The following RUFY2 variants were observed in gnomAD, a reference collection of about 807,000 sequenced individuals.
The protein encoded by RUFY2 is RUN and FYVE domain-containing protein 2.
Under a neutral mutation model 94.4 loss-of-function variants are expected in RUFY2, and 49 were observed. That is an observed-to-expected ratio of 0.52 (90% confidence interval 0.41 to 0.66). The LOEUF (loss-of-function observed/expected upper bound fraction) is 0.66, where lower values mean the gene tolerates loss of function less well. RUFY2 is among the 30% of genes least tolerant of loss of function. RUFY2 has a pLI of 0.00. For missense variants in RUFY2, 541 were observed against 692.8 expected (o/e 0.78, Z 2.46); for synonymous variants, 255 against 235.7 (o/e 1.08, Z -0.75).
intron 15 of RUFY2, among the ~76,000 whole-genome samples, chr10:68,356,343 T>G (rs2047054860): frequency 1.3e-5 from 2 of 151,722 alleles, no homozygotes; most frequent in East Asian, 3.9e-4. Context: ...CCATCTCTAC[T>G]AAAAATACAA....
rs1228941521 is a variant in RUFY2, at chr10:68,344,340, C to T, written c.*1428G>A. The T allele has an allele frequency of 3.3e-5, 5 of 152,242 alleles. No individual in the cohort carries two copies. The highest frequency in any genetic ancestry group is 1.9e-4 in the East Asian group (1 of 5,182). The allele number at this position is 152,242 out of a possible 1,614,324, so 9.4% of individuals were successfully genotyped here. On this transcript the variant is annotated 3_prime_UTR_variant, in exon 18 of 18. Coordinates refer to ENST00000602465, the MANE Select transcript of RUFY2 (RefSeq NM_001330103.2). ...CTAGGATTAACCACTAAATATAATGCTCTTAATCCATAAATTTTCTATGTA... is the reference window on the plus strand; with the variant it reads ...CTAGGATTAACCACTAAATATAATGTTCTTAATCCATAAATTTTCTATGTA...
rs1301878528 is a variant in RUFY2 at position 68,407,033 on chromosome 10, G to A, written c.4+153C>T. ...TGCCATGACGACCCCGGGAGCCCCCGAGTCCCAGGCAGTCCCCGCCCATCC... is the reference window on the plus strand; with the variant it reads ...TGCCATGACGACCCCGGGAGCCCCCAAGTCCCAGGCAGTCCCCGCCCATCC... On this transcript the variant is annotated intron_variant, in intron 1 of 17. Coordinates refer to ENST00000602465, the MANE Select transcript of RUFY2 (RefSeq NM_001330103.2). 3.4e-6 allele frequency: 5 copies of A among 1,484,422 alleles called. No homozygotes were observed. In the Admixed American group the frequency reaches 6.8e-5, roughly 20 times the overall value. 92.0% of individuals were successfully genotyped at this position (1,484,422 alleles called of 1,614,324 possible).
At chr10:68,394,599 G>A in intron 4 of RUFY2, 148 bp from the exon 5 acceptor site, 4 of 377,254 alleles carry the variant, frequency 1.1e-5, no homozygotes, top group Non-Finnish European at 1.9e-5. Context: ...TTATACGTGT[G>A]AATAACTTTT....
At chr10:68,348,674 CAT>C (rs1338659178) in intron 16 of RUFY2, among the ~76,000 whole-genome samples, 1 of 152,186 alleles carries the variant, frequency 6.6e-6, no homozygotes, top group Non-Finnish European at 1.5e-5. Context: ...ACCTTGCTGA[CAT>C]GGAGACTAGG....
intron 3 of RUFY2, among the ~76,000 whole-genome samples, chr10:68,398,519 G>A (rs996775850): frequency 5.3e-5 from 8 of 152,100 alleles, no homozygotes; most frequent in African/African-American, 1.9e-4. Flanking sequence ...AGGCACAGTG[G>A]CATGAGCCCG....
At chr10:68,368,247 C>T (rs1179285009) in intron 13 of RUFY2, among the ~76,000 whole-genome samples, 1 of 150,484 alleles carries the variant, frequency 6.6e-6, no homozygotes, top group Non-Finnish European at 1.5e-5. Context: ...GGATTACAGG[C>T]GTGAGCCACC....
intron 12 of RUFY2, chr10:68,377,373 T>G: frequency 7.7e-6 from 8 of 1,041,192 alleles, no homozygotes; most frequent in Non-Finnish European, 8.1e-6. Context: ...GAAGCCACAC[T>G]GTTATATGTT....
chr10:68,376,895 G>T lies in RUFY2; in HGVS notation c.1283C>A (p.Ser428Tyr). The change falls in exon 13 of 18, where the codon TCT becomes TAT. Residue 428 changes from serine (S) to tyrosine (Y), a missense_variant. Coordinates refer to ENST00000602465, the MANE Select transcript of RUFY2 (RefSeq NM_001330103.2). ...GGAGATTTGTTTCTGCAGACTATCA[G>T]ATTTACTGAGACATTCTTGTAGATA... ...EKYLQECLSK[S>Y]DSLQKQISQK... 1 of 1,613,762 alleles carries T rather than the reference G, an allele frequency of 6.2e-7. No individual in the cohort carries two copies. Among genetic ancestry groups the T allele is most frequent in the Non-Finnish European group, 8.5e-7 (1 of 1,179,894 alleles).
intron 15 of RUFY2, among the ~76,000 whole-genome samples, chr10:68,360,595 A>C (rs1318944643): frequency 6.6e-6 from 1 of 152,114 alleles, no homozygotes; most frequent in Non-Finnish European, 1.5e-5. Flanking sequence ...AATACAAAAA[A>C]AAATTAGCCA....
In RUFY2 at chr10:68,351,121, CATTT is replaced by C. The variant is rs1187683843; in HGVS notation, c.1599+4228_1599+4231del. 3.7e-3 allele frequency among the ~76,000 whole-genome samples: 441 copies of C among 119,534 alleles called. 4 individuals carry two copies. The highest frequency in any genetic ancestry group is 0.013 in the African/African-American group (421 of 32,314). 78.4% of individuals were successfully genotyped at this position (119,534 alleles called of 152,430 possible). A position where few individuals can be genotyped will look rare whatever the true frequency, so the allele number is the denominator to read the frequency against. ...TTTGGCAAATATCCATGTATCCATA[CATTT>C]TTTTTTTTTTTTTTTTTTTTTTTTG... On this transcript the variant is annotated intron_variant, in intron 16 of 17. Transcript: ENST00000602465.
intron 16 of RUFY2, among the ~76,000 whole-genome samples, chr10:68,351,746 C>T (rs1178879222): frequency 6.6e-6 from 1 of 150,696 alleles, no homozygotes; most frequent in Non-Finnish European, 1.5e-5. Flanking sequence ...CTGCACCCGG[C>T]CCCATCTTCT....
intron 13 of RUFY2, among the ~76,000 whole-genome samples, chr10:68,367,844 C>T (rs931979266): frequency 8.6e-5 from 13 of 151,736 alleles, no homozygotes; most frequent in African/African-American, 3.1e-4. Flanking sequence ...AAGCAATCCT[C>T]TCACCTTAGC....
At chr10:68,374,120 A>AC (rs1374112351) in intron 13 of RUFY2, among the ~76,000 whole-genome samples, 5 of 143,974 alleles carry the variant, frequency 3.5e-5, no homozygotes, top group Admixed American at 2.1e-4. Context: ...GTCCCAAAAA[A>AC]AAAAAAAAAA....
rs557223507 is a variant in RUFY2, at chr10:68,343,510, A to T, written c.*2258T>A. 1 of 152,712 alleles carries T rather than the reference A, an allele frequency of 6.5e-6. No individual in the cohort carries two copies. Among genetic ancestry groups the T allele is most frequent in the East Asian group, 1.9e-4 (1 of 5,190 alleles). The allele number at this position is 152,712 out of a possible 1,614,324, so 9.5% of individuals were successfully genotyped here. A position where few individuals can be genotyped will look rare whatever the true frequency, so the allele number is the denominator to read the frequency against. On this transcript the variant is annotated 3_prime_UTR_variant, in exon 18 of 18. Transcript: ENST00000602465. ...TAATGAAACCAAAATTGCCCTTTTA[A>T]AGCAGGCTAATTTTCCAAATATTTA...
rs1356782044 is a variant in RUFY2, at chr10:68,364,127, T to C, written c.1326-14A>G. The C allele has an allele frequency of 6.2e-7, 1 of 1,608,546 alleles. No individual in the cohort carries two copies. Among genetic ancestry groups the C allele is most frequent in the Non-Finnish European group, 8.5e-7 (1 of 1,176,870 alleles). ...TCCAGTTGCACCCTTGAATGACAAA[T>C]AACACACAGAAGCTCAGTGCTATTT... On this transcript the variant is annotated splice_polypyrimidine_tract_variant and intron_variant, in intron 13 of 17. Transcript: ENST00000602465.
rs992747700 is a variant in RUFY2, at chr10:68,344,976, G to C, written c.*792C>G. 1 of 151,910 alleles carries C rather than the reference G, an allele frequency of 6.6e-6. No homozygotes were observed. Among genetic ancestry groups the C allele is most frequent in the African/African-American group, 2.4e-5 (1 of 41,356 alleles). 9.4% of individuals were successfully genotyped at this position (151,910 alleles called of 1,614,324 possible). A position where few individuals can be genotyped will look rare whatever the true frequency, so the allele number is the denominator to read the frequency against. ...CTACTATTACATACTTTTTTTTCTG[G>C]GGAAGGATTTGTGTTTTCATCTTTG... is the stretch of plus-strand genomic sequence containing the variant. On this transcript the variant is annotated 3_prime_UTR_variant, in exon 18 of 18. Transcript: ENST00000602465.
intron 1 of RUFY2, chr10:68,405,334 G>GAA (rs2051203889): frequency 7.5e-6 from 2 of 267,066 alleles, no homozygotes; most frequent in African/African-American, 2.4e-5. Flanking sequence ...AAAAGAAAAA[G>GAA]AAAGAAAGAA....
chr10:68,344,371 T>A lies in RUFY2; in HGVS notation c.*1397A>T, dbSNP rs1256057122. The A allele has an allele frequency of 6.6e-6, 1 of 152,234 alleles. No homozygotes were observed. Among genetic ancestry groups the A allele is most frequent in the African/African-American group, 2.4e-5 (1 of 41,462 alleles). 9.4% of individuals were successfully genotyped at this position (152,234 alleles called of 1,614,324 possible). On this transcript the variant is annotated 3_prime_UTR_variant, in exon 18 of 18. Coordinates refer to ENST00000602465, the MANE Select transcript of RUFY2 (RefSeq NM_001330103.2). ...ATCCATAAATTTTCTATGTATTTTT[T>A]ATAGGCTCACAAACTTAAAGTGCAT...
At chr10:68,394,248 A>C in intron 5 of RUFY2, 80 bp downstream of exon 5, 1 of 1,602,640 alleles carries the variant, frequency 6.2e-7, no homozygotes, top group Non-Finnish European at 8.5e-7. Context: ...TCCTGTTTAC[A>C]ACTTCAAATG....
Sources: gnomAD v4.1 joint callset for allele counts (sites outside exome capture counted in the v4.1 genomes callset) on GRCh38, gnomAD v4.1.1 for gene constraint, MANE v1.5 for transcripts, NCBI Gene and HGNC (gene_info 2026-07-23, HGNC 2026-07-21) for gene names.